Variants in FBXO11 observed in about 807,000 individuals in gnomAD.
The protein encoded by FBXO11 is F-box protein 11.
Under a neutral mutation model 117.0 loss-of-function variants are expected in FBXO11, and 13 were observed. The ratio of observed to expected loss-of-function variants is 0.11; its 90% confidence interval spans 0.07 to 0.18. The LOEUF (loss-of-function observed/expected upper bound fraction) is 0.18. FBXO11 is among the 10% of genes least tolerant of loss of function. FBXO11 has a pLI of 1.00. For synonymous variants in FBXO11, 490 were observed against 380.5 expected, an observed-to-expected ratio of 1.29 and a Z score of -3.35; for missense variants, 767 against 1,164.4, an observed-to-expected ratio of 0.66 and a Z score of 4.97.
intron 11 of FBXO11, among the ~76,000 whole-genome samples, chr2:47,826,230 T>G (rs746939500): frequency 1.5e-4 from 23 of 152,158 alleles, no homozygotes; most frequent in Non-Finnish European, 2.9e-4. Context: ...GCTAATTTTT[T>G]GTATTTTTAG....
Position 47,839,666 on chromosome 2 carries a change from C to T in FBXO11, c.336G>A (p.Ala112=), listed in dbSNP as rs908198834. The T allele has an allele frequency of 9.9e-6, 16 of 1,613,936 alleles. No individual in the cohort carries two copies. In the East Asian group the frequency reaches 1.1e-4, roughly 11 times the overall value. ...CCTCCATACTGTTCTTTGTGGGACA[C>T]GCTGTTCTTTTCGGCAAAAGAGTTT... The part of the protein sequence containing the change: ...RRKTLLPKRT[A]CPTKNSMEGA... Residue 112 remains alanine (A), a synonymous_variant, in exon 2 of 23, where the codon GCG becomes GCA. Transcript: ENST00000403359.
chr2:47,900,529 G>A (rs1040837039), intron 1 of FBXO11, among the ~76,000 whole-genome samples: 1 of 137,402 alleles, frequency 7.3e-6, no homozygotes, highest in Non-Finnish European at 1.7e-5. Context: ...TTCCTCATCA[G>A]TACAGTGTCG....
In FBXO11 at chr2:47,828,218, C is replaced by G. The variant is rs1244146684; in HGVS notation, c.1398+4131G>C. ...TTGATCTTGAACTCCTGGGTTCATG[C>G]AGTCCTCCTGCCTCAACCTCCCGAA... On this transcript the variant is annotated intron_variant, in intron 11 of 22. Coordinates refer to ENST00000403359, the MANE Select transcript of FBXO11 (RefSeq NM_001190274.2). Among the ~76,000 whole-genome samples, 7 of 152,028 alleles carry G rather than the reference C, an allele frequency of 4.6e-5. No individual in the cohort carries two copies. In the East Asian group the frequency reaches 9.6e-4, roughly 21 times the overall value.
Position 47,809,153 on chromosome 2 carries a change from G to C in FBXO11, c.2555+5C>G. The C allele has an allele frequency of 6.7e-7, 1 of 1,498,846 alleles. No individual in the cohort carries two copies. Among genetic ancestry groups the C allele is most frequent in the South Asian group, 1.2e-5 (1 of 83,956 alleles). 92.8% of individuals were successfully genotyped at this position (1,498,846 alleles called of 1,614,324 possible). A position where few individuals can be genotyped will look rare whatever the true frequency, so the allele number is the denominator to read the frequency against. ...TTTCAGGACTCAAATATATTTCTAA[G>C]TTACCTGTAGAAATCATGCATGGGA... On this transcript the variant is annotated splice_donor_5th_base_variant and intron_variant, in intron 21 of 22. Coordinates refer to ENST00000403359, the MANE Select transcript of FBXO11 (RefSeq NM_001190274.2).
chr2:47,878,104 C>A (rs1489000921), intron 1 of FBXO11, among the ~76,000 whole-genome samples: 4 of 152,198 alleles, frequency 2.6e-5, no homozygotes, highest in Non-Finnish European at 5.9e-5. Context: ...GCACTCTGGA[C>A]CTGCAATTTA....
intron 1 of FBXO11, among the ~76,000 whole-genome samples, chr2:47,889,961 G>A (rs1307012562): frequency 3.9e-5 from 6 of 152,036 alleles, no homozygotes; most frequent in South Asian, 2.1e-4. Flanking sequence ...ATTATCTGAC[G>A]CAAAAAGAAT....
chr2:47,856,580 C>G (rs1222924215), intron 1 of FBXO11, among the ~76,000 whole-genome samples: 1 of 152,168 alleles, frequency 6.6e-6, no homozygotes, highest in Non-Finnish European at 1.5e-5. Context: ...AAAAAAGAAT[C>G]CATCAAAACA....
At chr2:47,867,812 T>C (rs1057482262) in intron 1 of FBXO11, among the ~76,000 whole-genome samples, 2 of 152,098 alleles carry the variant, frequency 1.3e-5, no homozygotes, top group African/African-American at 4.8e-5. Flanking sequence ...CCTAAAGACA[T>C]AGTACATTTC....
rs1678308516 is a variant in FBXO11 at position 47,901,638 on chromosome 2, T to C, written c.232+3851A>G. ...TTTTTTGAGATGGAGTCTCATTCTG[T>C]CACCCAGGCTGGAGTGCAGTGGTGC... On this transcript the variant is annotated intron_variant, in intron 1 of 22. Coordinates refer to ENST00000403359, the MANE Select transcript of FBXO11 (RefSeq NM_001190274.2). Among the ~76,000 whole-genome samples, 4 of 152,078 alleles carry C rather than the reference T, an allele frequency of 2.6e-5. No individual in the cohort carries two copies. The South Asian group carries it at 6.2e-4, about 24-fold the overall frequency.
At chr2:47,821,873 C>G (rs1481301997) in intron 13 of FBXO11, among the ~76,000 whole-genome samples, 1 of 152,146 alleles carries the variant, frequency 6.6e-6, no homozygotes, top group African/African-American at 2.4e-5. Flanking sequence ...GGGAAGATCA[C>G]CTGAGGCCAG....
At chr2:47,827,467 C>G (rs1259655309) in intron 11 of FBXO11, among the ~76,000 whole-genome samples, 3 of 152,044 alleles carry the variant, frequency 2.0e-5, no homozygotes, top group Non-Finnish European at 4.4e-5. Context: ...CCACCACGCC[C>G]AGCTAATTTT....
At chr2:47,813,914 C>T (rs201474750) in intron 16 of FBXO11, 47 bp from the exon 17 acceptor site, 8 of 1,364,438 alleles carry the variant, frequency 5.9e-6, no homozygotes, top group Admixed American at 1.7e-5. Flanking sequence ...CTTCTACTCC[C>T]ATATCTTCAT....
intron 1 of FBXO11, among the ~76,000 whole-genome samples, chr2:47,847,770 T>C (rs967006549): frequency 6.6e-6 from 1 of 151,874 alleles, no homozygotes; most frequent in Non-Finnish European, 1.5e-5. Context: ...CAGTCTGTTG[T>C]TGATGAAAAC....
intron 1 of FBXO11, 25 bp downstream of exon 1, chr2:47,905,464 C>T: frequency 1.6e-6 from 2 of 1,215,722 alleles, no homozygotes; most frequent in Non-Finnish European, 1.0e-6. Flanking sequence ...GGAAGGCGGG[C>T]GGTTGGGAGG....
chr2:47,840,443 A>G (rs1672930235), intron 1 of FBXO11, among the ~76,000 whole-genome samples: 1 of 148,328 alleles, frequency 6.7e-6, no homozygotes, highest in Non-Finnish European at 1.5e-5. Context: ...AGTCTGGTGT[A>G]TGAACATCTT....
intron 11 of FBXO11, among the ~76,000 whole-genome samples, chr2:47,827,405 C>G (rs1439166355): frequency 2.6e-5 from 4 of 152,144 alleles, no homozygotes; most frequent in Admixed American, 6.5e-5. Flanking sequence ...CTCCTGGGTT[C>G]AAGTGATTCT....
rs1678812445 is a variant in FBXO11 at position 47,906,333 on chromosome 2, G to A, written c.-613C>T. Among the ~76,000 whole-genome samples, 1 of 152,138 alleles carries A rather than the reference G, an allele frequency of 6.6e-6. No homozygotes were observed. Among genetic ancestry groups the A allele is most frequent in the African/African-American group, 2.4e-5 (1 of 41,420 alleles). On this transcript the variant is annotated 5_prime_UTR_variant, in exon 1 of 23. Coordinates refer to ENST00000403359, the MANE Select transcript of FBXO11 (RefSeq NM_001190274.2). The stretch of plus-strand genomic sequence containing the variant: ...CTCCCCCCCTTCTCTCCTCGGCGAA[G>A]GGGAAATGAGTGTGAAGGGAGGAGA...
intron 1 of FBXO11, among the ~76,000 whole-genome samples, chr2:47,842,044 C>T (rs1372682245): frequency 3.4e-5 from 5 of 147,710 alleles, no homozygotes; most frequent in African/African-American, 1.2e-4. Flanking sequence ...GAGACAGAGT[C>T]TCGCCCTGTT....
In FBXO11 at chr2:47,901,089, A is replaced by G. The variant is rs369414037; in HGVS notation, c.232+4400T>C. ...TATATATATACACACGTGTGTACATATATATACATATATATGTATATATGT... is the reference window on the plus strand; with the variant it reads ...TATATATATACACACGTGTGTACATGTATATACATATATATGTATATATGT... On this transcript the variant is annotated intron_variant, in intron 1 of 22. Coordinates refer to ENST00000403359, the MANE Select transcript of FBXO11 (RefSeq NM_001190274.2). 1.5e-3 allele frequency among the ~76,000 whole-genome samples: 148 copies of G among 98,898 alleles called. 2 individuals carry two copies. The highest frequency in any genetic ancestry group is 0.013 in the East Asian group (38 of 2,968). 64.9% of individuals were successfully genotyped at this position (98,898 alleles called of 152,430 possible).
Sources: allele counts gnomAD v4.1 joint callset (sites outside exome capture counted in the v4.1 genomes callset), GRCh38; gene constraint gnomAD v4.1.1; transcripts MANE v1.5; gene names NCBI Gene and HGNC (gene_info 2026-07-23, HGNC 2026-07-21).